The following MAD1L1 variants were observed in gnomAD, a reference collection of about 807,000 sequenced individuals.
MAD1L1 encodes mitotic arrest deficient 1 like 1.
Under a neutral mutation model 96.9 loss-of-function variants are expected in MAD1L1, and 95 were observed. The ratio of observed to expected loss-of-function variants is 0.98; its 90% CI spans 0.83 to 1.16. The LOEUF (loss-of-function observed/expected upper bound fraction) is 1.16, where lower values mean the gene tolerates loss of function less well. MAD1L1 is among the 50% of genes most tolerant of loss of function. The pLI is 0.00. For missense variants in MAD1L1, 1,007 were observed against 954.4 expected (o/e 1.06, Z -0.73); for synonymous variants, 473 against 396.6 (o/e 1.19, Z -2.29).
chr7:1,851,371 C>T (rs1346798229), intron 18 of MAD1L1, among the ~76,000 whole-genome samples: 4 of 152,158 alleles, frequency 2.6e-5, no homozygotes, highest in African/African-American at 9.7e-5. Flanking sequence ...AGATGGGACT[C>T]GAGGTCACGG....
chr7:1,864,780 G>A (rs1784701165), intron 18 of MAD1L1, among the ~76,000 whole-genome samples: 1 of 152,124 alleles, frequency 6.6e-6, no homozygotes, highest in Admixed American at 6.5e-5. Context: ...TGTTGGGAGA[G>A]CCTGGTGCCC....
intron 18 of MAD1L1, among the ~76,000 whole-genome samples, chr7:1,884,134 C>A (rs1583649434): frequency 6.6e-6 from 1 of 152,236 alleles, no homozygotes; most frequent in Non-Finnish European, 1.5e-5. Context: ...GGCGGCTGGG[C>A]CAGTCTCCAC....
chr7:1,817,286 T>A (rs1353814896), intron 18 of MAD1L1, among the ~76,000 whole-genome samples: 1 of 152,072 alleles, frequency 6.6e-6, no homozygotes, highest in African/African-American at 2.4e-5. Context: ...CTCAAAGAGC[T>A]GGACGCAGAG....
rs536891324 is a variant in MAD1L1 at position 1,822,358 on chromosome 7, G to A, written c.1999-6130C>T. ...AAATAGATACAATGTTTATGAACTGGAAGACTTATAGTAAATCAATTTTTC... is the reference window on the plus strand; with the variant it reads ...AAATAGATACAATGTTTATGAACTGAAAGACTTATAGTAAATCAATTTTTC... On this transcript the variant is annotated intron_variant, in intron 18 of 18. Transcript: ENST00000265854. 4.5e-4 allele frequency among the ~76,000 whole-genome samples: 68 copies of A among 151,480 alleles called. 1 individual carries two copies. Among genetic ancestry groups the A allele is most frequent in the African/African-American group, 1.6e-3 (66 of 41,284 alleles).
At chr7:2,069,167 T>C in intron 12 of MAD1L1, 27 bp downstream of exon 12, 1 of 1,543,298 alleles carries the variant, frequency 6.5e-7, no homozygotes, top group Non-Finnish European at 8.7e-7. Context: ...CCTGCGACTC[T>C]GATCAAGATG....
At chr7:2,137,554 AGGTG>A (rs1788814058) in intron 11 of MAD1L1, among the ~76,000 whole-genome samples, 1 of 152,086 alleles carries the variant, frequency 6.6e-6, no homozygotes, top group Non-Finnish European at 1.5e-5. Flanking sequence ...CCTCTGGCCC[AGGTG>A]AGTGAGGGGC....
At chr7:2,079,881 C>G (rs1308197593) in intron 11 of MAD1L1, 3 of 388,662 alleles carry the variant, frequency 7.7e-6, no homozygotes, top group Non-Finnish European at 5.2e-6. Context: ...TGCCCTCCAG[C>G]TCTGACTTGG....
At chr7:1,907,075 GCCAGGGGCCT>G (rs1370891206) in intron 17 of MAD1L1, among the ~76,000 whole-genome samples, 1 of 151,960 alleles carries the variant, frequency 6.6e-6, no homozygotes, top group Non-Finnish European at 1.5e-5. Context: ...CACTGTGAGA[GCCAGGGGCCT>G]CCAGGGGCTT....
At chr7:1,918,523 G>A (rs895092515) in intron 17 of MAD1L1, among the ~76,000 whole-genome samples, 4 of 152,216 alleles carry the variant, frequency 2.6e-5, no homozygotes, top group African/African-American at 4.8e-5. Context: ...GCCCAGTCCA[G>A]GGAGGATCTG....
At position 2,024,489 on chromosome 7, in the gene MAD1L1, T is replaced by C. The variant is rs115759580; in HGVS notation, c.1219-9847A>G. On this transcript the variant is annotated intron_variant, in intron 12 of 18. Coordinates refer to ENST00000265854, the MANE Select transcript of MAD1L1 (RefSeq NM_001013836.2). ...GAAAGATCAGCATGTTGCTGTCACA[T>C]AGAAATTGGCGGTGAGCCAATTTCC... Among the ~76,000 whole-genome samples the C allele has an allele frequency of 9.8e-3, 1,488 of 152,288 alleles. 28 individuals are homozygous for C. Among genetic ancestry groups the C allele is most frequent in the African/African-American group, 0.033 (1,379 of 41,556 alleles).
chr7:2,178,717 C>A (rs990863449), intron 10 of MAD1L1, among the ~76,000 whole-genome samples: 2 of 151,896 alleles, frequency 1.3e-5, no homozygotes, highest in African/African-American at 2.4e-5. Flanking sequence ...GCCAACATGG[C>A]GAAACCCTGT....
chr7:1,891,470 G>A (rs1786535472), intron 18 of MAD1L1, among the ~76,000 whole-genome samples: 1 of 152,138 alleles, frequency 6.6e-6, no homozygotes. Context: ...AGGTTGCAGT[G>A]AGCCGAAATC....
intron 10 of MAD1L1, among the ~76,000 whole-genome samples, chr7:2,164,592 A>AG (rs1790328788): frequency 7.8e-5 from 1 of 12,898 alleles, no homozygotes; most frequent in Admixed American, 8.0e-4. Context: ...AGCAGGAAAA[A>AG]TGGGGGGGGG....
intron 17 of MAD1L1, among the ~76,000 whole-genome samples, chr7:1,914,702 C>T (rs889093946): frequency 6.6e-6 from 1 of 152,210 alleles, no homozygotes; most frequent in Non-Finnish European, 1.5e-5. Flanking sequence ...TGGCCTTGAC[C>T]TCCCAGGCCC....
At chr7:1,951,540 C>A (rs962957912) in intron 16 of MAD1L1, among the ~76,000 whole-genome samples, 1 of 152,230 alleles carries the variant, frequency 6.6e-6, no homozygotes, top group Non-Finnish European at 1.5e-5. Context: ...ATTCCCAGAG[C>A]TTCCTCATCT....
chr7:2,170,255 C>T (rs566299071), intron 10 of MAD1L1, among the ~76,000 whole-genome samples: 5 of 152,330 alleles, frequency 3.3e-5, no homozygotes, highest in East Asian at 1.9e-4. Flanking sequence ...AGGCAGCACA[C>T]GTGCACATAA....
At chr7:2,016,372 A>G (rs1343234118) in intron 12 of MAD1L1, among the ~76,000 whole-genome samples, 1 of 152,180 alleles carries the variant, frequency 6.6e-6, no homozygotes, top group Non-Finnish European at 1.5e-5. Flanking sequence ...TGGCCCTGAT[A>G]GAGACCAGCT....
intron 15 of MAD1L1, among the ~76,000 whole-genome samples, chr7:1,972,432 T>C (rs118045173): frequency 0.013 from 1,941 of 152,322 alleles, 19 homozygotes; most frequent in South Asian, 0.021. Context: ...TCTGGTGGCT[T>C]GTGGGTTCTG....
chr7:1,973,455 G>A (rs867779796), intron 15 of MAD1L1, among the ~76,000 whole-genome samples: 31 of 152,158 alleles, frequency 2.0e-4, no homozygotes, highest in Middle Eastern at 6.8e-3. Context: ...GAGTGGGGAT[G>A]CGTACCCCAC....
Sources: gnomAD v4.1 joint callset for allele counts (sites outside exome capture counted in the v4.1 genomes callset) on GRCh38, gnomAD v4.1.1 for gene constraint, MANE v1.5 for transcripts, NCBI Gene and HGNC (gene_info 2026-07-23, HGNC 2026-07-21) for gene names.